Variants in ZDHHC14 observed in about 807,000 individuals in gnomAD.
ZDHHC14 encodes the protein palmitoyltransferase ZDHHC14.
A neutral mutation model predicts 47.7 loss-of-function variants in ZDHHC14; 16 were observed. That is an observed-to-expected ratio of 0.34 (90% CI 0.23 to 0.51). The LOEUF is 0.51. Among genes scored for constraint, ZDHHC14 ranks in the 20% least tolerant of loss-of-function variants. The pLI is 0.97. For missense variants in ZDHHC14, 515 were observed against 662.5 expected (o/e 0.78, Z 2.44); for synonymous variants, 293 against 278.9 (o/e 1.05, Z -0.50).
chr6:157,390,983 T>C (rs1238675329), intron 1 of ZDHHC14, among the ~76,000 whole-genome samples: 2 of 152,212 alleles, frequency 1.3e-5, no homozygotes, highest in East Asian at 3.8e-4. Context: ...TCTATAGTAA[T>C]TTAAATTCTT....
At chr6:157,590,206 G>A (rs1783855745) in intron 2 of ZDHHC14, among the ~76,000 whole-genome samples, 1 of 152,212 alleles carries the variant, frequency 6.6e-6, no homozygotes, top group Non-Finnish European at 1.5e-5. Flanking sequence ...ATTTTCTGGG[G>A]AGAAATTCAA....
chr6:157,572,286 TC>T (rs1287719760), intron 2 of ZDHHC14, among the ~76,000 whole-genome samples: 2 of 151,988 alleles, frequency 1.3e-5, no homozygotes, highest in Admixed American at 1.3e-4. Context: ...ACTACAAACA[TC>T]TCTAGATGGT....
At chr6:157,388,318 C>G (rs968832069) in intron 1 of ZDHHC14, among the ~76,000 whole-genome samples, 5 of 152,214 alleles carry the variant, frequency 3.3e-5, no homozygotes, top group African/African-American at 1.2e-4. Context: ...GCAGAAAGGA[C>G]TCCTCTAGGT....
intron 2 of ZDHHC14, among the ~76,000 whole-genome samples, chr6:157,557,525 G>A (rs2114834675): frequency 6.6e-6 from 1 of 152,272 alleles, no homozygotes. Context: ...TGAGTCGTTG[G>A]TTAGATGTGT....
At chr6:157,593,379 GGT>G (rs1783995798) in intron 3 of ZDHHC14, among the ~76,000 whole-genome samples, 1 of 152,164 alleles carries the variant, frequency 6.6e-6, no homozygotes, top group South Asian at 2.1e-4. Context: ...ACGAGAATGG[GGT>G]CCTCTGTCTC....
Position 157,463,399 on chromosome 6 carries a change from ATTATTT to A in ZDHHC14, c.246-79184_246-79179del, listed in dbSNP as rs1779140558. On this transcript the variant is annotated intron_variant, in intron 1 of 8. Coordinates refer to ENST00000359775, the MANE Select transcript of ZDHHC14 (RefSeq NM_024630.3). The surrounding 1 kb of genome is among the most constrained non-coding windows in gnomAD (Gnocchi z 4.4). ...CTGCCTATTCTAATGAGCTATTATT[ATTATTT>A]TAAGACCTCCAGAGGTCTTAAAAGC... Among the ~76,000 whole-genome samples, 1 of 152,232 alleles carries A rather than the reference ATTATTT, an allele frequency of 6.6e-6. No individual in the cohort carries two copies. Among genetic ancestry groups the A allele is most frequent in the East Asian group, 1.9e-4 (1 of 5,176 alleles).
intron 8 of ZDHHC14, among the ~76,000 whole-genome samples, chr6:157,666,722 G>T (rs971305426): frequency 1.3e-5 from 2 of 152,188 alleles, no homozygotes; most frequent in African/African-American, 4.8e-5. Flanking sequence ...TGTACACTCG[G>T]TTTTTTCAGA....
chr6:157,553,557 G>A (rs1484140351), intron 2 of ZDHHC14, among the ~76,000 whole-genome samples: 1 of 151,612 alleles, frequency 6.6e-6, no homozygotes, highest in Non-Finnish European at 1.5e-5. Flanking sequence ...CCGAACCCCT[G>A]TCATGATCAA....
chr6:157,474,191 A>G (rs143922862), intron 1 of ZDHHC14, among the ~76,000 whole-genome samples: 4,243 of 152,140 alleles, frequency 0.028, 189 homozygotes, highest in African/African-American at 0.097. Flanking sequence ...GGGTTTCACC[A>G]TGTTGGTCAG....
chr6:157,384,196 C>G (rs1434588177), intron 1 of ZDHHC14, among the ~76,000 whole-genome samples: 1 of 152,200 alleles, frequency 6.6e-6, no homozygotes, highest in African/African-American at 2.4e-5. Flanking sequence ...GAGCTTCAGC[C>G]ACAAGTGTGC....
intron 3 of ZDHHC14, among the ~76,000 whole-genome samples, chr6:157,611,735 C>T (rs1583018129): frequency 6.6e-6 from 1 of 152,142 alleles, no homozygotes; most frequent in East Asian, 1.9e-4. Context: ...TCTTCCATAC[C>T]CAGAAAAGCC....
rs948177322 is a variant in ZDHHC14, at chr6:157,675,782, A to G, written c.*2660A>G. The G allele has an allele frequency of 2.6e-5, 4 of 152,242 alleles. No individual in the cohort carries two copies. Among genetic ancestry groups the G allele is most frequent in the Non-Finnish European group, 4.4e-5 (3 of 68,042 alleles). 9.4% of individuals were successfully genotyped at this position (152,242 alleles called of 1,614,324 possible). Reference sequence around the variant, plus strand: ...AAATACTTATGTTTATAAATGTTGAATGGTTCCTTCTAGCTGTGGCTGAGT... The same window carrying G: ...AAATACTTATGTTTATAAATGTTGAGTGGTTCCTTCTAGCTGTGGCTGAGT... On this transcript the variant is annotated 3_prime_UTR_variant, in exon 9 of 9. Coordinates refer to ENST00000359775, the MANE Select transcript of ZDHHC14 (RefSeq NM_024630.3).
In ZDHHC14 at chr6:157,672,948, T is replaced by G; in HGVS notation, c.1293T>G (p.Asp431Glu). The G allele has an allele frequency of 6.2e-7, 1 of 1,601,640 alleles. No individual in the cohort carries two copies. Among genetic ancestry groups the G allele is most frequent in the Non-Finnish European group, 8.5e-7 (1 of 1,176,602 alleles). Reference protein sequence around the residue: ...ATLADVMPRKDEHMGHQFLTP... With the variant: ...ATLADVMPRKEEHMGHQFLTP... ...TCGCGGACGTGATGCCCCGGAAAGA[T>G]GAGCACATGGGCCACCAGTTCCTGA... The change falls in exon 9 of 9, where the codon GAT (aspartate) becomes GAG (glutamate). Residue 431 changes from aspartate to glutamate, a missense_variant. Coordinates refer to ENST00000359775, the MANE Select transcript of ZDHHC14 (RefSeq NM_024630.3).
chr6:157,504,783 G>GGGTTT (rs545634963), intron 1 of ZDHHC14, among the ~76,000 whole-genome samples: 2 of 149,198 alleles, frequency 1.3e-5, no homozygotes, highest in African/African-American at 5.0e-5. Flanking sequence ...AAAATACCAT[G>GGGTTT]TGTTTTGTTT....
intron 1 of ZDHHC14, among the ~76,000 whole-genome samples, chr6:157,519,967 T>C (rs1182923375): frequency 6.6e-6 from 1 of 152,164 alleles, no homozygotes; most frequent in East Asian, 1.9e-4. Context: ...AGCTGACATT[T>C]GCGAGCCTGG....
chr6:157,672,277 T>C (rs77945353), intron 8 of ZDHHC14, among the ~76,000 whole-genome samples: 3,380 of 152,292 alleles, frequency 0.022, 134 homozygotes, highest in African/African-American at 0.075. Context: ...ACTTTTGACT[T>C]ACTATCAATA....
chr6:157,447,442 C>A (rs2114798871), intron 1 of ZDHHC14, among the ~76,000 whole-genome samples: 1 of 152,326 alleles, frequency 6.6e-6, no homozygotes, highest in East Asian at 1.9e-4. Flanking sequence ...TGGGTTTAGT[C>A]TCCCCAGCGC....
At chr6:157,501,770 G>A (rs1243446569) in intron 1 of ZDHHC14, among the ~76,000 whole-genome samples, 3 of 152,176 alleles carry the variant, frequency 2.0e-5, no homozygotes, top group African/African-American at 7.2e-5. Context: ...TTAGTTTTAT[G>A]TTGAATCTGA....
intron 1 of ZDHHC14, among the ~76,000 whole-genome samples, chr6:157,435,541 CTCTA>C (rs1562423866): frequency 2.0e-5 from 3 of 152,014 alleles, no homozygotes; most frequent in East Asian, 3.9e-4. Flanking sequence ...TTCTCTCTCT[CTCTA>C]TCTTTTTTTT....
Sources: allele counts gnomAD v4.1 joint callset (sites outside exome capture counted in the v4.1 genomes callset), GRCh38; gene constraint gnomAD v4.1.1; non-coding constraint Gnocchi (gnomAD v3.1); transcripts MANE v1.5; gene names NCBI Gene and HGNC (gene_info 2026-07-23, HGNC 2026-07-21).